The following CPSF6 variants were observed in gnomAD, a reference collection of about 807,000 sequenced individuals.
CPSF6 encodes the protein cleavage and polyadenylation specific factor 6.
A neutral mutation model predicts 56.7 loss-of-function variants in CPSF6; 10 were observed. That is an observed-to-expected ratio of 0.18 (90% CI 0.11 to 0.30). The LOEUF (loss-of-function observed/expected upper bound fraction) is 0.30. Ranked by LOEUF, CPSF6 falls within the 10% of genes least tolerant of loss-of-function variation. The pLI is 1.00. For missense variants in CPSF6, 419 were observed against 722.9 expected (o/e 0.58, Z 4.82); for synonymous variants, 248 against 244.8 (o/e 1.01, Z -0.12).
At position 69,258,504 on chromosome 12, in the gene CPSF6, G is replaced by C. The variant is rs897837270; in HGVS notation, c.695-86G>C. On this transcript the variant is annotated intron_variant, in intron 5 of 9. Coordinates refer to ENST00000435070, the MANE Select transcript of CPSF6 (RefSeq NM_007007.3). The surrounding 1 kb of genome is among the most constrained non-coding windows in gnomAD (Gnocchi z 4.2). ...CAAAGACTTGGTGTATGCTCTATGCGTTTAAAGTATAATCTTGGCATATAA... is the reference window on the plus strand; with the variant it reads ...CAAAGACTTGGTGTATGCTCTATGCCTTTAAAGTATAATCTTGGCATATAA... The C allele has an allele frequency of 2.9e-6, 4 of 1,374,622 alleles. No homozygotes were observed. Among genetic ancestry groups the C allele is most frequent in the Admixed American group, 4.9e-5 (2 of 40,816 alleles). The allele number at this position is 1,374,622 out of a possible 1,614,324, so 85.2% of individuals were successfully genotyped here.
At chr12:69,250,350 G>A (rs752798757) in intron 1 of CPSF6, among the ~76,000 whole-genome samples, 54 of 151,898 alleles carry the variant, frequency 3.6e-4, no homozygotes, top group Non-Finnish European at 6.3e-4. Flanking sequence ...ATTACTTCTA[G>A]TTAAGAGTAT....
chr12:69,253,238 TTACACATGTA>T (rs1181036973), intron 3 of CPSF6, 84 bp downstream of exon 3: 40 of 718,942 alleles, frequency 5.6e-5, no homozygotes, highest in Admixed American at 4.7e-4. Context: ...TTAATGTTAA[TTACACATGTA>T]TACACATGTA....
intron 9 of CPSF6, among the ~76,000 whole-genome samples, chr12:69,267,207 A>G (rs1461627484): frequency 1.3e-5 from 2 of 152,068 alleles, no homozygotes; most frequent in Non-Finnish European, 1.5e-5. Context: ...ATCTTAAAAG[A>G]TGAATTTACC....
intron 9 of CPSF6, among the ~76,000 whole-genome samples, chr12:69,266,759 C>T (rs959052388): frequency 1.3e-5 from 2 of 152,048 alleles, no homozygotes; most frequent in Non-Finnish European, 2.9e-5. Context: ...TGGGAACAAA[C>T]CTCATTTTTC....
At chr12:69,269,377 G>A (rs1481479434) in intron 9 of CPSF6, 135 bp from the exon 10 acceptor site, 1 of 294,874 alleles carries the variant, frequency 3.4e-6, no homozygotes, top group Non-Finnish European at 6.9e-6. Flanking sequence ...TACTGTTTCA[G>A]TTAATTCTTA....
rs763199957 is a variant in CPSF6, at chr12:69,273,109, A to G, written c.*3601A>G. On this transcript the variant is annotated 3_prime_UTR_variant, in exon 10 of 10. Transcript: ENST00000435070. ...AATCAAGATTCAGGATTAAAGTTTCATTGTAAGTTGAAATAGAAAATGTAT... is the reference window on the plus strand; with the variant it reads ...AATCAAGATTCAGGATTAAAGTTTCGTTGTAAGTTGAAATAGAAAATGTAT... 6.7e-6 allele frequency: 3 copies of G among 446,558 alleles called. No homozygotes were observed. Among genetic ancestry groups the G allele is most frequent in the South Asian group, 1.7e-5 (1 of 57,380 alleles). 27.7% of individuals were successfully genotyped at this position (446,558 alleles called of 1,614,324 possible). A position where few individuals can be genotyped will look rare whatever the true frequency, so the allele number is the denominator to read the frequency against.
At chr12:69,256,921 C>T in intron 4 of CPSF6, 79 bp downstream of exon 4, 3 of 1,176,882 alleles carry the variant, frequency 2.5e-6, no homozygotes, top group Non-Finnish European at 3.6e-6. Flanking sequence ...CTAGAGAAGT[C>T]ATCTTAATAC....
chr12:69,239,742 G>C (rs1179869354), intron 1 of CPSF6, 36 bp downstream of exon 1: 1 of 1,552,022 alleles, frequency 6.4e-7, no homozygotes, highest in African/African-American at 1.4e-5. Context: ...GCCGACGCGG[G>C]CGGCGCTGCG....
intron 8 of CPSF6, 88 bp from the exon 9 acceptor site, chr12:69,262,285 T>A: frequency 2.1e-6 from 3 of 1,419,066 alleles, no homozygotes; most frequent in Non-Finnish European, 2.8e-6. Flanking sequence ...GAATTTTTGC[T>A]GCCTAAGTTT....
rs1379882286 is a variant in CPSF6, at chr12:69,272,704, T to A, written c.*3196T>A. 1 of 151,936 alleles carries A rather than the reference T, an allele frequency of 6.6e-6. No individual in the cohort carries two copies. The highest frequency in any genetic ancestry group is 1.5e-5 in the Non-Finnish European group (1 of 67,828). The allele number at this position is 151,936 out of a possible 1,614,324, so 9.4% of individuals were successfully genotyped here. On this transcript the variant is annotated 3_prime_UTR_variant, in exon 10 of 10. Coordinates refer to ENST00000435070, the MANE Select transcript of CPSF6 (RefSeq NM_007007.3). Reference sequence around the variant, plus strand: ...CTCTGTTTTACAGATAACAACTGGTTTTTATTACTCATTAAGTTCATTTGC... The same window carrying A: ...CTCTGTTTTACAGATAACAACTGGTATTTATTACTCATTAAGTTCATTTGC...
intron 8 of CPSF6, 101 bp from the exon 9 acceptor site, chr12:69,262,272 A>G (rs1872773723): frequency 1.4e-6 from 2 of 1,392,824 alleles, no homozygotes; most frequent in African/African-American, 2.9e-5. Flanking sequence ...CCAGATTTAC[A>G]AAGAATTTTT....
chr12:69,259,082 G>A lies in CPSF6; in HGVS notation c.1187G>A (p.Gly396Asp). Reference sequence around the variant, plus strand: ...CCACCATATGATAGGGGTGACTATGGCCCCCCTGGAAGGTAAGTTAGTGTG... The same window carrying A: ...CCACCATATGATAGGGGTGACTATGACCCCCCTGGAAGGTAAGTTAGTGTG... ...RPPPYDRGDY[G>D]PPGREMDTAR... Residue 396 changes from glycine to aspartate, a missense_variant, in exon 6 of 10, where the codon GGC becomes GAC. By Grantham distance (94) the Gly-to-Asp change is moderately conservative (BLOSUM62 -1). Transcript: ENST00000435070. 1 of 1,600,374 alleles carries A rather than the reference G, an allele frequency of 6.2e-7. No homozygotes were observed. The highest frequency in any genetic ancestry group is 8.5e-7 in the Non-Finnish European group (1 of 1,178,998).
At chr12:69,255,080 A>G (rs1330266421) in intron 3 of CPSF6, 1 of 152,206 alleles carries the variant, frequency 6.6e-6, no homozygotes, top group African/African-American at 2.4e-5. Flanking sequence ...TCTGCTGGCA[A>G]CTGCTAACGT....
rs1008000299 is a variant in CPSF6, at chr12:69,274,040, A to G, written c.*4532A>G. 10 of 150,422 alleles carry G rather than the reference A, an allele frequency of 6.6e-5. No individual in the cohort carries two copies. The highest frequency in any genetic ancestry group is 1.5e-4 in the African/African-American group (6 of 40,924). The allele number at this position is 150,422 out of a possible 1,614,324, so 9.3% of individuals were successfully genotyped here. A position where few individuals can be genotyped will look rare whatever the true frequency, so the allele number is the denominator to read the frequency against. On this transcript the variant is annotated 3_prime_UTR_variant, in exon 10 of 10. Coordinates refer to ENST00000435070, the MANE Select transcript of CPSF6 (RefSeq NM_007007.3). ...CAAAGAAAGTCTTAAAATTTTAGCT[A>G]TTGACTCTATGGTGACTTCACAATA...
intron 2 of CPSF6, 53 bp from the exon 3 acceptor site, chr12:69,252,998 A>T: frequency 9.8e-7 from 1 of 1,024,926 alleles, no homozygotes; most frequent in South Asian, 1.7e-5. Context: ...GACTGGGATA[A>T]TAAAAATCTT....
At chr12:69,263,733 A>G (rs1451937018) in intron 9 of CPSF6, among the ~76,000 whole-genome samples, 4 of 152,218 alleles carry the variant, frequency 2.6e-5, no homozygotes, top group East Asian at 3.9e-4. Flanking sequence ...CTTTAACCAT[A>G]ACAGATACGC....
rs1350252765 is a variant in CPSF6, at chr12:69,239,769, G to A, written c.60+63G>A. On this transcript the variant is annotated intron_variant, in intron 1 of 9. Coordinates refer to ENST00000435070, the MANE Select transcript of CPSF6 (RefSeq NM_007007.3). Reference sequence around the variant, plus strand: ...GGCGCTGCGGCCGGGAAGCTGACCCGGGGCCCGCTGCGGCCGCGAGCCGAA... The same window carrying A: ...GGCGCTGCGGCCGGGAAGCTGACCCAGGGCCCGCTGCGGCCGCGAGCCGAA... 19 of 1,457,876 alleles carry A rather than the reference G, an allele frequency of 1.3e-5. No individual in the cohort carries two copies. The South Asian group carries it at 2.2e-4, about 17-fold the overall frequency. 90.3% of individuals were successfully genotyped at this position (1,457,876 alleles called of 1,614,324 possible).
Position 69,259,456 on chromosome 12 carries a change from A to G in CPSF6, c.1228A>G (p.Ser410Gly). ...REMDTARTPL[S>G]EAEFEEIMNR... ...AATGGATACTGCAAGAACGCCATTG[A>G]GTGAAGCTGAATTTGAAGAAATCAT... The change falls in exon 7 of 10, where the codon AGT (serine) becomes GGT (glycine). Residue 410 changes from serine (S) to glycine (G), a missense_variant. Ser to Gly is a moderately conservative substitution (Grantham distance 56, BLOSUM62 0). This residue lies in a region of CPSF6 where 211 missense variants were observed against 296.0 expected (regional missense o/e 0.71). Coordinates refer to ENST00000435070, the MANE Select transcript of CPSF6 (RefSeq NM_007007.3). The G allele has an allele frequency of 6.2e-7, 1 of 1,613,648 alleles. No individual in the cohort carries two copies. Among genetic ancestry groups the G allele is most frequent in the Non-Finnish European group, 8.5e-7 (1 of 1,179,792 alleles).
At chr12:69,250,289 A>G (rs1769640162) in intron 1 of CPSF6, among the ~76,000 whole-genome samples, 1 of 151,320 alleles carries the variant, frequency 6.6e-6, no homozygotes, top group African/African-American at 2.4e-5. Flanking sequence ...TTTTGGGGTG[A>G]TTTTTCTACT....
Sources: gnomAD v4.1 joint callset for allele counts (sites outside exome capture counted in the v4.1 genomes callset) on GRCh38, gnomAD v4.1.1 for gene constraint, gnomAD v4.1.1 regional missense constraint, Gnocchi (gnomAD v3.1) non-coding constraint, MANE v1.5 for transcripts, NCBI Gene and HGNC (gene_info 2026-07-23, HGNC 2026-07-21) for gene names.